Variants in CSMD3 observed in about 807,000 individuals in gnomAD.
CSMD3 encodes the protein CUB and sushi domain-containing protein 3.
Under a neutral mutation model 435.2 loss-of-function variants are expected in CSMD3, and 177 were observed. That is an observed-to-expected ratio of 0.41 (90% confidence interval 0.36 to 0.46). CSMD3 has a LOEUF of 0.46. CSMD3 is among the 20% of genes least tolerant of loss of function. The pLI, the probability that CSMD3 is intolerant of heterozygous loss-of-function variation, is 0.34. For synonymous variants in CSMD3, 1,656 were observed against 1,520.5 expected (o/e 1.09, Z -2.07); for missense variants, 4,265 against 4,504.6 (o/e 0.95, Z 1.52).
chr8:113,192,757 GGTTT>G (rs1433952746), intron 3 of CSMD3, among the ~76,000 whole-genome samples: 1 of 150,780 alleles, frequency 6.6e-6, no homozygotes, highest in African/African-American at 2.5e-5. Context: ...AGTTACATTA[GGTTT>G]GTTTGTTCAT....
At chr8:113,231,011 A>AT (rs994242010) in intron 3 of CSMD3, among the ~76,000 whole-genome samples, 7 of 150,918 alleles carry the variant, frequency 4.6e-5, no homozygotes, top group African/African-American at 1.5e-4. Flanking sequence ...TTCTATCTCA[A>AT]TTTTTTTTCT....
intron 4 of CSMD3, among the ~76,000 whole-genome samples, chr8:113,130,244 C>T (rs1480870965): frequency 3.3e-5 from 5 of 152,028 alleles, no homozygotes; most frequent in African/African-American, 1.2e-4. Context: ...ATCAATAGGA[C>T]TTTGTCAAAT....
chr8:112,338,845 T>A (rs776421959), intron 42 of CSMD3, among the ~76,000 whole-genome samples: 8 of 152,150 alleles, frequency 5.3e-5, no homozygotes, highest in Non-Finnish European at 8.8e-5. Flanking sequence ...AATTGATCAT[T>A]AGGAGTTGGA....
chr8:112,465,968 C>A (rs1422096745), intron 32 of CSMD3, among the ~76,000 whole-genome samples: 3 of 135,808 alleles, frequency 2.2e-5, no homozygotes, highest in African/African-American at 5.9e-5. Flanking sequence ...GAGGGAGACA[C>A]CATCTCAAAA....
intron 13 of CSMD3, among the ~76,000 whole-genome samples, chr8:112,741,225 G>A (rs2077297426): frequency 6.6e-6 from 1 of 151,776 alleles, no homozygotes. Context: ...CTGATAAAGC[G>A]TTAATATCCA....
chr8:112,242,340 A>C (rs898924213), intron 65 of CSMD3, among the ~76,000 whole-genome samples: 5 of 152,140 alleles, frequency 3.3e-5, no homozygotes, highest in Admixed American at 6.6e-5. Context: ...GAGCTATGAC[A>C]TGAATGCCTT....
intron 31 of CSMD3, among the ~76,000 whole-genome samples, chr8:112,482,853 C>A (rs1375953755): frequency 6.6e-6 from 1 of 152,128 alleles, no homozygotes; most frequent in East Asian, 1.9e-4. Flanking sequence ...TTTTCAGAAA[C>A]CACCATTACT....
intron 10 of CSMD3, among the ~76,000 whole-genome samples, chr8:112,896,260 T>A (rs373064279): frequency 1.1e-4 from 16 of 151,486 alleles, no homozygotes; most frequent in African/African-American, 3.6e-4. Context: ...TATCCCAGCA[T>A]CAGCCAGCAT....
chr8:112,556,975 G>GCC, intron 24 of CSMD3, 21 bp from the exon 25 acceptor site: 3 of 1,512,352 alleles, frequency 2.0e-6, no homozygotes, highest in Middle Eastern at 1.8e-4. Flanking sequence ...AATATAAATT[G>GCC]ATTAAAGGCA....
intron 32 of CSMD3, among the ~76,000 whole-genome samples, chr8:112,450,977 G>T (rs940426309): frequency 2.0e-5 from 3 of 152,046 alleles, no homozygotes; most frequent in Admixed American, 6.6e-5. Context: ...AATGATATTT[G>T]CAAAAGGGAA....
At chr8:112,990,649 T>A (rs575948798) in intron 6 of CSMD3, among the ~76,000 whole-genome samples, 1 of 152,076 alleles carries the variant, frequency 6.6e-6, no homozygotes, top group South Asian at 2.1e-4. Flanking sequence ...ACAGATTTTG[T>A]TAGTTTCTAG....
intron 32 of CSMD3, among the ~76,000 whole-genome samples, chr8:112,422,228 G>A (rs753972025): frequency 1.3e-5 from 2 of 151,524 alleles, no homozygotes; most frequent in Admixed American, 1.3e-4. Flanking sequence ...AAAAGATGGG[G>A]GAAATATTTT....
chr8:113,083,608 A>C (rs1383295), intron 5 of CSMD3, among the ~76,000 whole-genome samples: 1 of 152,310 alleles, frequency 6.6e-6, no homozygotes, highest in African/African-American at 2.4e-5. Context: ...CAAATGAGAA[A>C]AAATATAAAT....
At chr8:112,965,085 C>A (rs965997416) in intron 7 of CSMD3, among the ~76,000 whole-genome samples, 4 of 151,970 alleles carry the variant, frequency 2.6e-5, no homozygotes, top group African/African-American at 9.7e-5. Context: ...ATAAAAATGT[C>A]TCTACATAGG....
At chr8:113,413,524 G>A (rs1235643296) in intron 1 of CSMD3, among the ~76,000 whole-genome samples, 1 of 152,044 alleles carries the variant, frequency 6.6e-6, no homozygotes, top group African/African-American at 2.4e-5. Flanking sequence ...GGAAACCTGG[G>A]ATTTTATTAC....
chr8:112,982,536 C>T (rs1447351718), intron 6 of CSMD3, among the ~76,000 whole-genome samples: 2 of 151,912 alleles, frequency 1.3e-5, no homozygotes, highest in Non-Finnish European at 2.9e-5. Flanking sequence ...ACGTCACACA[C>T]ACTTGTTTCA....
chr8:113,063,095 T>C (rs1208633009), intron 5 of CSMD3, among the ~76,000 whole-genome samples: 1 of 151,578 alleles, frequency 6.6e-6, no homozygotes, highest in Non-Finnish European at 1.5e-5. Flanking sequence ...AATGTTTCAA[T>C]CACATTCCCT....
chr8:112,649,725 T>G (rs1055242426), intron 19 of CSMD3, among the ~76,000 whole-genome samples: 9 of 152,166 alleles, frequency 5.9e-5, no homozygotes, highest in African/African-American at 1.9e-4. Context: ...TAAACTACCA[T>G]AGTGCTGTGT....
At chr8:112,338,313 C>T (rs996469084) in intron 42 of CSMD3, among the ~76,000 whole-genome samples, 4 of 152,090 alleles carry the variant, frequency 2.6e-5, no homozygotes, top group African/African-American at 7.2e-5. Flanking sequence ...AGTATAATTG[C>T]CTATTTATTT....
Sources: allele counts gnomAD v4.1 joint callset (sites outside exome capture counted in the v4.1 genomes callset), GRCh38; gene constraint gnomAD v4.1.1; transcripts MANE v1.5; gene names NCBI Gene and HGNC (gene_info 2026-07-23, HGNC 2026-07-21).